Variants in PRLR observed in about 807,000 individuals in gnomAD.
The protein encoded by PRLR is prolactin receptor.
PRLR carries 13 observed loss-of-function variants against 40.2 expected under a neutral mutation model. That is an observed-to-expected ratio of 0.32 (90% CI 0.21 to 0.51). The LOEUF is 0.51. Ranked by LOEUF, PRLR falls within the 20% of genes least tolerant of loss-of-function variation. The pLI is 0.97. For missense variants in PRLR, 656 were observed against 747.3 expected (o/e 0.88, Z 1.42); for synonymous variants, 269 against 278.7 (o/e 0.97, Z 0.35).
chr5:35,079,223 GAAAGAAAT>G (rs1424839213), intron 5 of PRLR, among the ~76,000 whole-genome samples: 1 of 152,138 alleles, frequency 6.6e-6, no homozygotes, highest in Non-Finnish European at 1.5e-5. Context: ...TCAGGCAGGA[GAAAGAAAT>G]AAAGGGTATT....
chr5:35,115,321 C>G lies in PRLR; in HGVS notation c.-44+2740G>C, dbSNP rs1772945114. Among the ~76,000 whole-genome samples, 3 of 152,174 alleles carry G rather than the reference C, an allele frequency of 2.0e-5. No individual in the cohort carries two copies. The South Asian group carries it at 6.2e-4, about 32-fold the overall frequency. Reference sequence around the variant, plus strand: ...GGCTCTCTTCTTAGAGAAGCACCAGCAAGACAATCTCATAAACAAATTGCT... The same window carrying G: ...GGCTCTCTTCTTAGAGAAGCACCAGGAAGACAATCTCATAAACAAATTGCT... On this transcript the variant is annotated intron_variant, in intron 2 of 9. Transcript: ENST00000618457.
chr5:35,215,204 T>C (rs551679509), intron 1 of PRLR, among the ~76,000 whole-genome samples: 9 of 152,364 alleles, frequency 5.9e-5, no homozygotes, highest in Non-Finnish European at 1.2e-4. Flanking sequence ...GACTTGACTA[T>C]AGAAGGTAAA....
In PRLR at chr5:35,072,563, T is replaced by C. The variant is rs1479287539; in HGVS notation, c.543+12A>G. On this transcript the variant is annotated intron_variant, in intron 6 of 9. Transcript: ENST00000618457. ...GGCCATAGTTCCTTCAAAAAGCATA[T>C]GGATCACTCACCTCCCACTCAGCTG... 3 of 1,611,812 alleles carry C rather than the reference T, an allele frequency of 1.9e-6. No individual in the cohort carries two copies. Among genetic ancestry groups the C allele is most frequent in the South Asian group, 1.1e-5 (1 of 90,622 alleles).
intron 1 of PRLR, among the ~76,000 whole-genome samples, chr5:35,225,484 A>G (rs931786194): frequency 6.6e-6 from 1 of 152,330 alleles, no homozygotes. Flanking sequence ...CCTATCATGT[A>G]TTTGTCAACT....
intron 1 of PRLR, among the ~76,000 whole-genome samples, chr5:35,190,291 G>C (rs1271824035): frequency 3.9e-5 from 6 of 152,126 alleles, no homozygotes; most frequent in Non-Finnish European, 8.8e-5. Context: ...TCCAGAATGT[G>C]CCCTCTTAAC....
intron 1 of PRLR, among the ~76,000 whole-genome samples, chr5:35,157,509 T>C (rs1323032195): frequency 2.0e-5 from 3 of 152,160 alleles, no homozygotes; most frequent in African/African-American, 7.2e-5. Flanking sequence ...GGGTTGCTTA[T>C]GCCATATTCA....
chr5:35,175,851 G>A (rs905504029), intron 1 of PRLR, among the ~76,000 whole-genome samples: 8 of 151,488 alleles, frequency 5.3e-5, no homozygotes, highest in Admixed American at 1.3e-4. Context: ...AACTATCAAT[G>A]ATCTTAGCAC....
intron 4 of PRLR, among the ~76,000 whole-genome samples, chr5:35,085,581 C>T (rs965020134): frequency 6.6e-6 from 1 of 152,130 alleles, no homozygotes; most frequent in Non-Finnish European, 1.5e-5. Flanking sequence ...AAAACCTCAC[C>T]TTCTTTTCCC....
chr5:35,099,311 G>A (rs984242356), intron 2 of PRLR, among the ~76,000 whole-genome samples: 5 of 152,174 alleles, frequency 3.3e-5, no homozygotes, highest in African/African-American at 7.2e-5. Flanking sequence ...GGGCTGAAAA[G>A]TTCCTATTGC....
chr5:35,168,626 C>T (rs1774912133), intron 1 of PRLR, among the ~76,000 whole-genome samples: 1 of 151,884 alleles, frequency 6.6e-6, no homozygotes, highest in South Asian at 2.1e-4. Flanking sequence ...GCAATCACAA[C>T]AGAAATTTAA....
intron 6 of PRLR, among the ~76,000 whole-genome samples, chr5:35,071,119 A>C (rs1579574744): frequency 6.6e-6 from 1 of 152,336 alleles, no homozygotes; most frequent in East Asian, 1.9e-4. Flanking sequence ...AATATAGAGT[A>C]CATAATATCA....
At chr5:35,216,277 C>T (rs1352142892) in intron 1 of PRLR, among the ~76,000 whole-genome samples, 2 of 7,726 alleles carry the variant, frequency 2.6e-4, no homozygotes, top group Non-Finnish European at 9.0e-4. Context: ...GAACCAAGTG[C>T]TCATTTATTG....
chr5:35,093,064 G>T (rs1771313086), intron 2 of PRLR, among the ~76,000 whole-genome samples: 1 of 152,078 alleles, frequency 6.6e-6, no homozygotes, highest in Non-Finnish European at 1.5e-5. Context: ...CTTTCCAAAA[G>T]CCTCTCTTCA....
chr5:35,171,643 G>A (rs1414424893), intron 1 of PRLR, among the ~76,000 whole-genome samples: 1 of 152,216 alleles, frequency 6.6e-6, no homozygotes, highest in African/African-American at 2.4e-5. Context: ...TAAGCCAGCA[G>A]TGGAAGACAT....
intron 2 of PRLR, among the ~76,000 whole-genome samples, chr5:35,116,254 A>C (rs6865753): frequency 0.031 from 4,682 of 152,226 alleles, 249 homozygotes; most frequent in African/African-American, 0.11. Context: ...TTGGTTTGCC[A>C]ATTGGTACCA....
intron 9 of PRLR, among the ~76,000 whole-genome samples, chr5:35,067,368 G>T (rs1217352287): frequency 1.3e-5 from 2 of 152,134 alleles, no homozygotes; most frequent in Non-Finnish European, 2.9e-5. Context: ...AGACATTCAT[G>T]CTGGTTCTAT....
chr5:35,128,716 A>C (rs1355991665), intron 1 of PRLR, among the ~76,000 whole-genome samples: 1 of 152,182 alleles, frequency 6.6e-6, no homozygotes, highest in Non-Finnish European at 1.5e-5. Flanking sequence ...CATGTTCAGC[A>C]GCTCTTTTTG....
intron 2 of PRLR, among the ~76,000 whole-genome samples, chr5:35,091,716 C>T (rs554908612): frequency 3.3e-5 from 5 of 152,310 alleles, no homozygotes; most frequent in Admixed American, 3.3e-4. Flanking sequence ...CCGAGAGAGG[C>T]CTTCTCAGCT....
intron 1 of PRLR, among the ~76,000 whole-genome samples, chr5:35,176,450 A>G (rs1775150256): frequency 6.6e-6 from 1 of 151,936 alleles, no homozygotes; most frequent in Admixed American, 6.6e-5. Context: ...GACATAGGAG[A>G]CTCCATTTTG....
Sources: gnomAD v4.1 joint callset for allele counts (sites outside exome capture counted in the v4.1 genomes callset) on GRCh38, gnomAD v4.1.1 for gene constraint, MANE v1.5 for transcripts, NCBI Gene and HGNC (gene_info 2026-07-23, HGNC 2026-07-21) for gene names.